Variants in TNN observed in about 807,000 individuals in gnomAD.
The protein encoded by TNN is tenascin N.
A neutral mutation model predicts 134.4 loss-of-function variants in TNN; 122 were observed. The ratio of observed to expected loss-of-function variants is 0.91; its 90% CI spans 0.78 to 1.06. TNN has a LOEUF of 1.06. Ranked by LOEUF, TNN falls within the 50% of genes least tolerant of loss-of-function variation. The probability of loss-of-function intolerance (pLI) is 0.00; values close to 1 mark genes in which losing one functional copy is unlikely to be tolerated. For synonymous variants in TNN, 710 were observed against 670.3 expected, an observed-to-expected ratio of 1.06 and a Z score of -0.91; for missense variants, 1,739 against 1,699.4, an observed-to-expected ratio of 1.02 and a Z score of -0.41.
chr1:175,109,570 A>G (rs1462299036), intron 9 of TNN, among the ~76,000 whole-genome samples: 1 of 151,862 alleles, frequency 6.6e-6, no homozygotes, highest in African/African-American at 2.4e-5. Flanking sequence ...TTCACTTAAC[A>G]TAATAACCTC....
intron 1 of TNN, among the ~76,000 whole-genome samples, chr1:175,070,800 C>G (rs1673899071): frequency 3.3e-5 from 5 of 152,132 alleles, no homozygotes; most frequent in Admixed American, 2.6e-4. Context: ...GCCTCTAGTT[C>G]AAGGTGAGTT....
chr1:175,084,410 C>CT (rs1674278739), intron 5 of TNN, among the ~76,000 whole-genome samples: 1 of 152,122 alleles, frequency 6.6e-6, no homozygotes, highest in African/African-American at 2.4e-5. Flanking sequence ...GGGTGGCTCT[C>CT]TGTCTCTGAT....
chr1:175,136,046 C>T, intron 16 of TNN, 105 bp downstream of exon 16: 1 of 797,694 alleles, frequency 1.3e-6, no homozygotes, highest in Admixed American at 2.0e-5. Context: ...AGAGAGGCCC[C>T]AGTGGCAGGG....
Position 175,080,444 on chromosome 1 carries a change from T to C in TNN, c.1048+18T>C. 6.2e-7 allele frequency: 1 copy of C among 1,612,758 alleles called. No homozygotes were observed. On this transcript the variant is annotated intron_variant, in intron 4 of 18. Coordinates refer to ENST00000239462, the MANE Select transcript of TNN (RefSeq NM_022093.2). ...CACCACAGGTGAGGAAGCCACCTGA[T>C]GCCCCAGGGTTCCCAGGAGAGGCCC...
At chr1:175,145,514 C>T (rs1676040892) in intron 18 of TNN, among the ~76,000 whole-genome samples, 1 of 125,140 alleles carries the variant, frequency 8.0e-6, no homozygotes, top group African/African-American at 3.1e-5. Context: ...GATCAAGCCA[C>T]TGCACTCCAG....
intron 1 of TNN, among the ~76,000 whole-genome samples, chr1:175,075,336 C>T (rs957081281): frequency 1.2e-4 from 18 of 152,284 alleles, no homozygotes; most frequent in Non-Finnish European, 2.2e-4. Context: ...CTTGCTCTGT[C>T]GCCCAGGCTG....
At chr1:175,135,980 G>C in intron 16 of TNN, 39 bp downstream of exon 16, 1 of 1,458,778 alleles carries the variant, frequency 6.9e-7, no homozygotes, top group Non-Finnish European at 9.6e-7. Flanking sequence ...GCTGTGGGGG[G>C]TGATTTCTCC....
rs191487079 is a variant in TNN at position 175,094,256 on chromosome 1, A to G, written c.1588+3A>G. On this transcript the variant is annotated splice_donor_region_variant and intron_variant, in intron 7 of 18. Coordinates refer to ENST00000239462, the MANE Select transcript of TNN (RefSeq NM_022093.2). ...AGCTGACACCAATGCCCTCACAGGT[A>G]ACAGAAGGACGGGAGCATAAATAGG... 12 of 1,579,234 alleles carry G rather than the reference A, an allele frequency of 7.6e-6. No homozygotes were observed. In the East Asian group the frequency reaches 2.5e-4, roughly 33 times the overall value.
At chr1:175,073,465 G>C (rs943970429) in intron 1 of TNN, among the ~76,000 whole-genome samples, 1 of 152,242 alleles carries the variant, frequency 6.6e-6, no homozygotes, top group Admixed American at 6.5e-5. Flanking sequence ...TTTTCTGGTG[G>C]CTTTTGGTCT....
chr1:175,072,241 C>G (rs1045166656), intron 1 of TNN, among the ~76,000 whole-genome samples: 2 of 152,146 alleles, frequency 1.3e-5, no homozygotes, highest in Non-Finnish European at 2.9e-5. Context: ...ATGTATCCCT[C>G]CCTCCCACCT....
At chr1:175,119,886 C>A (rs917993503) in intron 11 of TNN, among the ~76,000 whole-genome samples, 1 of 152,136 alleles carries the variant, frequency 6.6e-6, no homozygotes, top group Admixed American at 6.5e-5. Flanking sequence ...GATCCGCCTA[C>A]CATGGCCTCC....
intron 9 of TNN, among the ~76,000 whole-genome samples, chr1:175,108,468 C>T (rs529048972): frequency 4.6e-5 from 7 of 152,360 alleles, no homozygotes; most frequent in Non-Finnish European, 1.0e-4. Context: ...TACTCGTCAG[C>T]CCTTGGGTGG....
rs1179871104 is a variant in TNN, at chr1:175,079,056, A to G, written c.410-277A>G. 3.9e-5 allele frequency among the ~76,000 whole-genome samples: 6 copies of G among 152,116 alleles called. No homozygotes were observed. In the East Asian group the frequency reaches 1.2e-3, roughly 29 times the overall value. On this transcript the variant is annotated intron_variant, in intron 2 of 18. Coordinates refer to ENST00000239462, the MANE Select transcript of TNN (RefSeq NM_022093.2). ...ATTCACACGGGAAGGGAAAGGAAAGAAGGGTGGGTCCTGCAGCCTTTTCAG... is the reference window on the plus strand; with the variant it reads ...ATTCACACGGGAAGGGAAAGGAAAGGAGGGTGGGTCCTGCAGCCTTTTCAG...
chr1:175,112,029 T>C (rs1368787545), intron 9 of TNN, among the ~76,000 whole-genome samples: 2 of 152,356 alleles, frequency 1.3e-5, no homozygotes, highest in East Asian at 3.9e-4. Context: ...CAGTACTATG[T>C]TGAATAAGAG....
At position 175,098,435 on chromosome 1, in the gene TNN, C is replaced by T; in HGVS notation, c.1959C>T (p.Arg653=). ...CCGCCATTGACAAGTACGTGGTGCG[C>T]TACACCTCTGCTGGTGGAGAGACCA... is the stretch of plus-strand genomic sequence containing the variant. The part of the protein sequence containing the change: ...VQAAIDKYVV[R]YTSAGGETRE... Residue 653 remains arginine (R), a synonymous_variant, in exon 9 of 19, where the codon CGC becomes CGT. Coordinates refer to ENST00000239462, the MANE Select transcript of TNN (RefSeq NM_022093.2). 1.9e-6 allele frequency: 3 copies of T among 1,614,202 alleles called. No homozygotes were observed. The highest frequency in any genetic ancestry group is 2.5e-6 in the Non-Finnish European group (3 of 1,180,044).
At position 175,147,216 on chromosome 1, in the gene TNN, T is replaced by C. The variant is rs1031529065; in HGVS notation, c.*145T>C. The C allele has an allele frequency of 4.8e-6, 4 of 833,160 alleles. No individual in the cohort carries two copies. In the Admixed American group the frequency reaches 1.5e-4, roughly 31 times the overall value. The allele number at this position is 833,160 out of a possible 1,614,324, so 51.6% of individuals were successfully genotyped here. A position where few individuals can be genotyped will look rare whatever the true frequency, so the allele number is the denominator to read the frequency against. ...CAAGCTTCAAGCCATGGAGGTTCCT[T>C]CCCTCTCACCTGCATTTTTGCCCGT... On this transcript the variant is annotated 3_prime_UTR_variant, in exon 19 of 19. Coordinates refer to ENST00000239462, the MANE Select transcript of TNN (RefSeq NM_022093.2).
chr1:175,068,887 A>C (rs1213021535), intron 1 of TNN, among the ~76,000 whole-genome samples: 1 of 152,222 alleles, frequency 6.6e-6, no homozygotes, highest in Non-Finnish European at 1.5e-5. Flanking sequence ...CAGCCTGGGC[A>C]ACAAGAGCAA....
chr1:175,109,982 AG>A (rs1674979849), intron 9 of TNN, among the ~76,000 whole-genome samples: 1 of 152,146 alleles, frequency 6.6e-6, no homozygotes, highest in South Asian at 2.1e-4. Flanking sequence ...GCAGTGAACT[AG>A]TATTCCCCTT....
At chr1:175,075,809 G>T (rs1238560533) in intron 1 of TNN, among the ~76,000 whole-genome samples, 1 of 152,134 alleles carries the variant, frequency 6.6e-6, no homozygotes, top group Non-Finnish European at 1.5e-5. Context: ...GCATTTTTAG[G>T]GATGCACATC....
Sources: gnomAD v4.1 joint callset for allele counts (sites outside exome capture counted in the v4.1 genomes callset) on GRCh38, gnomAD v4.1.1 for gene constraint, MANE v1.5 for transcripts, NCBI Gene and HGNC (gene_info 2026-07-23, HGNC 2026-07-21) for gene names.